Variants in TRPC5 observed in about 807,000 individuals in gnomAD.
TRPC5 encodes the protein transient receptor potential cation channel subfamily C member 5.
A neutral mutation model predicts 56.5 loss-of-function variants in TRPC5; 9 were observed. The ratio of observed to expected loss-of-function variants is 0.16; its 90% CI spans 0.10 to 0.28. The LOEUF (loss-of-function observed/expected upper bound fraction) is 0.28, where lower values mean the gene tolerates loss of function less well. Among genes scored for constraint, TRPC5 ranks in the 10% least tolerant of loss-of-function variants. The pLI, the probability that TRPC5 is intolerant of heterozygous loss-of-function variation, is 1.00. For missense variants in TRPC5, 469 were observed against 748.9 expected (o/e 0.63, Z 4.36); for synonymous variants, 282 against 278.5 (o/e 1.01, Z -0.13).
chrX:111,941,061 T>C (rs1926764297), intron 2 of TRPC5, among the ~76,000 whole-genome samples: 1 of 112,222 alleles, frequency 8.9e-6, no homozygotes, highest in African/African-American at 3.2e-5. Flanking sequence ...TTTGCCAATA[T>C]GCACATGACA....
intron 1 of TRPC5, among the ~76,000 whole-genome samples, chrX:111,978,718 G>T (rs1440881248): frequency 9.0e-6 from 1 of 110,743 alleles, no homozygotes; most frequent in Non-Finnish European, 1.9e-5. Flanking sequence ...CTTGAAGTTT[G>T]CTATGAGGCT....
intron 1 of TRPC5, among the ~76,000 whole-genome samples, chrX:111,991,159 T>TG (rs1391759127): frequency 2.7e-5 from 3 of 111,750 alleles, no homozygotes; most frequent in Admixed American, 9.6e-5. Context: ...GTCCTGGAGA[T>TG]GCTCCCTTTC....
intron 2 of TRPC5, among the ~76,000 whole-genome samples, chrX:111,933,842 C>CT (rs1926488599): frequency 9.0e-6 from 1 of 110,721 alleles, no homozygotes; most frequent in Non-Finnish European, 1.9e-5. Flanking sequence ...CTATAAATTT[C>CT]TTTTTTTGTA....
chrX:112,069,142 A>G (rs1930656976), intron 1 of TRPC5, among the ~76,000 whole-genome samples: 1 of 111,847 alleles, frequency 8.9e-6, no homozygotes, highest in African/African-American at 3.3e-5. Context: ...AATCCTCCCA[A>G]CAACTCTATT....
chrX:111,955,872 C>T (rs1927220973), intron 1 of TRPC5, among the ~76,000 whole-genome samples: 1 of 112,449 alleles, frequency 8.9e-6, no homozygotes, highest in Non-Finnish European at 1.9e-5. Context: ...CAAAGCTAAG[C>T]CTCTAGGTAT....
At chrX:112,055,377 G>C (rs1930317964) in intron 1 of TRPC5, among the ~76,000 whole-genome samples, 1 of 111,718 alleles carries the variant, frequency 9.0e-6, no homozygotes, top group Non-Finnish European at 1.9e-5. Flanking sequence ...CAGATTTGCT[G>C]CAAGTCTTTG....
chrX:111,778,135 A>G (rs910638262), intron 10 of TRPC5, among the ~76,000 whole-genome samples: 2 of 110,425 alleles, frequency 1.8e-5, no homozygotes, highest in African/African-American at 6.6e-5. Context: ...CATCACACAC[A>G]GGGGCCTGTC....
Position 111,768,408 on chromosome X carries a change from T to C in TRPC5, c.*7905A>G, listed in dbSNP as rs1443727841. On this transcript the variant is annotated 3_prime_UTR_variant, in exon 11 of 11. Transcript: ENST00000262839. The stretch of plus-strand genomic sequence containing the variant: ...AGTTTGTAGCTGCAGACTGCATTCA[T>C]TGTTTTGAGTAGAAAGAAACTCCCA... Among the ~76,000 whole-genome samples the C allele has an allele frequency of 2.7e-5, 3 of 112,142 alleles. No individual in the cohort carries two copies. The highest frequency in any genetic ancestry group is 5.6e-5 in the Non-Finnish European group (3 of 53,188).
chrX:111,784,690 A>G (rs926370923), intron 7 of TRPC5, among the ~76,000 whole-genome samples: 3 of 112,236 alleles, frequency 2.7e-5, no homozygotes, highest in Non-Finnish European at 5.6e-5. Flanking sequence ...ATGAAAGACT[A>G]TTTGGAAAAA....
intron 1 of TRPC5, among the ~76,000 whole-genome samples, chrX:112,042,946 T>G (rs965922960): frequency 1.8e-5 from 2 of 111,710 alleles, no homozygotes; most frequent in African/African-American, 6.5e-5. Flanking sequence ...TTTTATATGC[T>G]TATGCAAAAT....
chrX:111,787,815 G>T (rs910818639), intron 7 of TRPC5, among the ~76,000 whole-genome samples: 1 of 111,723 alleles, frequency 9.0e-6, no homozygotes, highest in Non-Finnish European at 1.9e-5. Context: ...AAATCTGGAA[G>T]AAATGGATAA....
chrX:112,003,670 C>G (rs1196648195), intron 1 of TRPC5, among the ~76,000 whole-genome samples: 1 of 111,212 alleles, frequency 9.0e-6, no homozygotes, highest in Admixed American at 9.6e-5. Flanking sequence ...TTATGACAAC[C>G]AAAATGTCCC....
intron 1 of TRPC5, among the ~76,000 whole-genome samples, chrX:112,070,018 T>C (rs967321599): frequency 9.0e-6 from 1 of 111,731 alleles, no homozygotes; most frequent in Non-Finnish European, 1.9e-5. Flanking sequence ...CTGTCTCTGT[T>C]ACGTTGCAAT....
chrX:111,937,587 T>G (rs1201523836), intron 2 of TRPC5, among the ~76,000 whole-genome samples: 1 of 107,972 alleles, frequency 9.3e-6, no homozygotes, highest in Non-Finnish European at 1.9e-5. Flanking sequence ...CCCAGCACCA[T>G]TTATTAAATA....
At chrX:111,855,834 C>T (rs1250154869) in intron 3 of TRPC5, among the ~76,000 whole-genome samples, 2 of 112,039 alleles carry the variant, frequency 1.8e-5, no homozygotes, top group African/African-American at 6.5e-5. Context: ...AGAAGAACTG[C>T]TGGGAGCTCA....
chrX:111,995,072 G>C (rs1202382145), intron 1 of TRPC5, among the ~76,000 whole-genome samples: 1 of 111,800 alleles, frequency 8.9e-6, no homozygotes, highest in Non-Finnish European at 1.9e-5. Flanking sequence ...TCTAGTTTCT[G>C]CCCATTCTGT....
At chrX:111,957,504 T>C (rs1466331101) in intron 1 of TRPC5, among the ~76,000 whole-genome samples, 2 of 111,988 alleles carry the variant, frequency 1.8e-5, no homozygotes, top group East Asian at 5.6e-4. Flanking sequence ...TCTCCCACCT[T>C]ACAGATAAGG....
intron 3 of TRPC5, among the ~76,000 whole-genome samples, chrX:111,894,465 G>T (rs972586737): frequency 6.3e-5 from 7 of 111,870 alleles, no homozygotes; most frequent in South Asian, 3.7e-4. Context: ...TGCCTCAGGG[G>T]TCTTTATGAG....
chrX:111,989,837 CAAATT>C (rs1928306968), intron 1 of TRPC5, among the ~76,000 whole-genome samples: 1 of 111,906 alleles, frequency 8.9e-6, no homozygotes, highest in East Asian at 2.8e-4. Context: ...ATCTTTGAAA[CAAATT>C]AAAACACACA....
Sources: allele counts gnomAD v4.1 joint callset (sites outside exome capture counted in the v4.1 genomes callset), GRCh38; gene constraint gnomAD v4.1.1; transcripts MANE v1.5; gene names NCBI Gene and HGNC (gene_info 2026-07-23, HGNC 2026-07-21).